The following CASKIN1 variants were observed in gnomAD, a reference collection of about 807,000 sequenced individuals.
CASKIN1 encodes caskin-1.
Under a neutral mutation model 117.5 loss-of-function variants are expected in CASKIN1, and 42 were observed. The ratio of observed to expected loss-of-function variants is 0.36; its 90% CI spans 0.28 to 0.46. The LOEUF is 0.46. Ranked by LOEUF, CASKIN1 falls within the 20% of genes least tolerant of loss-of-function variation. The pLI, the probability that CASKIN1 is intolerant of heterozygous loss-of-function variation, is 1.00. For synonymous variants in CASKIN1, 1,148 were observed against 961.7 expected (o/e 1.19, Z -3.59); for missense variants, 2,083 against 2,077.3 (o/e 1.00, Z -0.05).
rs117924291 is a variant in CASKIN1 at position 2,179,387 on chromosome 16, C to T, written c.3776-62G>A. On this transcript the variant is annotated intron_variant, in intron 18 of 19. Transcript: ENST00000343516. The surrounding 1 kb of genome is among the most constrained non-coding windows in gnomAD (Gnocchi z 5.8). ...AGTTCCGCCGCCGCGCCCCCTGCCC[C>T]AGCCTCCCGCGGCTTCCTCCCCAGC... The T allele has an allele frequency of 4.0e-3, 5,301 of 1,336,952 alleles. 310 individuals are homozygous for T. The Admixed American group carries it at 0.12, about 31-fold the overall frequency. The allele number at this position is 1,336,952 out of a possible 1,614,324, so 82.8% of individuals were successfully genotyped here. A position where few individuals can be genotyped will look rare whatever the true frequency, so the allele number is the denominator to read the frequency against.
chr16:2,179,103 G>C lies in CASKIN1; in HGVS notation c.3998C>G (p.Ala1333Gly). ...CTTGGCGGGCACGTGCAGCGCGGGC[G>C]CGCCGGGGGACGGGGGCTTGGCGGG... ...ASPAKPPSPG[A>G]PALHVPAKPP... The change falls in exon 19 of 20, where the codon GCG becomes GGG. Residue 1333 changes from alanine (A) to glycine (G), a missense_variant. Ala to Gly is a moderately conservative substitution (Grantham distance 60). Coordinates refer to ENST00000343516, the MANE Select transcript of CASKIN1 (RefSeq NM_020764.4). This position sits in a 1 kb window ranked among gnomAD's most constrained non-coding sequence, Gnocchi z 5.8. 4.0e-6 allele frequency: 4 copies of C among 990,822 alleles called. No homozygotes were observed. Among genetic ancestry groups the C allele is most frequent in the Non-Finnish European group, 4.8e-6 (4 of 835,486 alleles). The allele number at this position is 990,822 out of a possible 1,614,324, so 61.4% of individuals were successfully genotyped here. A position where few individuals can be genotyped will look rare whatever the true frequency, so the allele number is the denominator to read the frequency against.
At chr16:2,187,906 C>CG (rs1369676918) in intron 6 of CASKIN1, among the ~76,000 whole-genome samples, 1 of 151,124 alleles carries the variant, frequency 6.6e-6, no homozygotes, top group Non-Finnish European at 1.5e-5. Context: ...TTTTCTAAGA[C>CG]GGGGTCTCAC....
rs1027047284 is a variant in CASKIN1 at position 2,196,511 on chromosome 16, C to T, written c.-79G>A. ...AGAGGCGGCGGCGGCCCCGCGGCAC[C>T]GGCCGCCTCCCCCGCCGCCTCCCCC... is the stretch of plus-strand genomic sequence containing the variant. On this transcript the variant is annotated 5_prime_UTR_variant, in exon 1 of 20. Coordinates refer to ENST00000343516, the MANE Select transcript of CASKIN1 (RefSeq NM_020764.4). The surrounding 1 kb of genome is among the most constrained non-coding windows in gnomAD (Gnocchi z 5.7). The T allele has an allele frequency of 8.1e-6, 5 of 614,974 alleles. No homozygotes were observed. The highest frequency in any genetic ancestry group is 6.1e-6 in the Non-Finnish European group (3 of 488,788). 38.1% of individuals were successfully genotyped at this position (614,974 alleles called of 1,614,324 possible).
Position 2,178,637 on chromosome 16 carries a change from C to A in CASKIN1, c.4209G>T (p.Ala1403=). The A allele has an allele frequency of 6.3e-7, 1 of 1,590,564 alleles. No homozygotes were observed. Among genetic ancestry groups the A allele is most frequent in the East Asian group, 2.3e-5 (1 of 43,352 alleles). The change falls in exon 20 of 20, where the codon GCG becomes GCT. Residue 1403 remains alanine, a synonymous_variant. Coordinates refer to ENST00000343516, the MANE Select transcript of CASKIN1 (RefSeq NM_020764.4). The part of the protein sequence containing the change: ...QEDAQGPRDS[A]AEKSTGSILD... ...GGATGCTGCCAGTGCTCTTTTCCGCCGCCGAGTCGCTGCGGGGCGCGGGGC... is the reference window on the plus strand; with the variant it reads ...GGATGCTGCCAGTGCTCTTTTCCGCAGCCGAGTCGCTGCGGGGCGCGGGGC...
rs777688114 is a variant in CASKIN1 at position 2,180,732 on chromosome 16, C to T, written c.2636G>A (p.Arg879Gln). The T allele has an allele frequency of 5.0e-5, 73 of 1,448,822 alleles. No homozygotes were observed. Among genetic ancestry groups the T allele is most frequent in the Non-Finnish European group, 6.4e-5 (71 of 1,108,368 alleles). The allele number at this position is 1,448,822 out of a possible 1,614,324, so 89.7% of individuals were successfully genotyped here. A position where few individuals can be genotyped will look rare whatever the true frequency, so the allele number is the denominator to read the frequency against. Residue 879 changes from arginine to glutamine, a missense_variant, in exon 18 of 20, where the codon CGG becomes CAG. This residue lies in a region of CASKIN1 where 1,818 missense variants were observed against 1,688.9 expected (regional missense o/e 1.08). Coordinates refer to ENST00000343516, the MANE Select transcript of CASKIN1 (RefSeq NM_020764.4). Reference sequence around the variant, plus strand: ...CGCATAGCGATTCAGGCTGTGGGCCCGCTTCTTGGGCCGCCCCGGCTCCGC... The same window carrying T: ...CGCATAGCGATTCAGGCTGTGGGCCTGCTTCTTGGGCCGCCCCGGCTCCGC... ...ADAEPGRPKK[R>Q]AHSLNRYAAS...
chr16:2,181,713 G>T, intron 17 of CASKIN1, 78 bp downstream of exon 17: 3 of 1,525,816 alleles, frequency 2.0e-6, no homozygotes, highest in South Asian at 2.4e-5. Flanking sequence ...GGGCGGGGCT[G>T]GGGCTGGGCT....
chr16:2,187,118 GCCCAGCCCCAGC>G (rs749447982), intron 8 of CASKIN1, 36 bp downstream of exon 8: 10 of 1,612,642 alleles, frequency 6.2e-6, no homozygotes, highest in Non-Finnish European at 8.5e-6. Flanking sequence ...GGCTGATCTG[GCCCAGCCCCAGC>G]CCCAGCCACT....
chr16:2,190,806 C>T (rs1391399665), intron 1 of CASKIN1, among the ~76,000 whole-genome samples: 3 of 152,126 alleles, frequency 2.0e-5, no homozygotes, highest in East Asian at 1.9e-4. Flanking sequence ...CTGGAACACC[C>T]GGAAATGGGG....
chr16:2,178,684 CG>C (rs1567256650), intron 19 of CASKIN1, 38 bp from the exon 20 acceptor site: 6 of 1,524,154 alleles, frequency 3.9e-6, no homozygotes, highest in Admixed American at 1.8e-5. Context: ...GTGGGCGGGG[CG>C]GGTCTGGCCA....
At chr16:2,181,639 G>A in intron 17 of CASKIN1, 40 bp from the exon 18 acceptor site, 1 of 1,530,706 alleles carries the variant, frequency 6.5e-7, no homozygotes, top group Non-Finnish European at 8.8e-7. Flanking sequence ...GGACCAGGAG[G>A]CGGAGGGGCA....
rs1193523173 is a variant in CASKIN1, at chr16:2,196,297, C to G, written c.94+42G>C. The stretch of plus-strand genomic sequence containing the variant: ...TGGGGGGCTCCGCGCCGGGGAGGGG[C>G]CCCCGGGGCTCCCACCCGCGCCCCG... On this transcript the variant is annotated intron_variant, in intron 1 of 19. Transcript: ENST00000343516. The surrounding 1 kb of genome is among the most constrained non-coding windows in gnomAD (Gnocchi z 5.7). 2.1e-6 allele frequency: 2 copies of G among 972,256 alleles called. No homozygotes were observed. Among genetic ancestry groups the G allele is most frequent in the African/African-American group, 1.8e-5 (1 of 57,110 alleles). 60.2% of individuals were successfully genotyped at this position (972,256 alleles called of 1,614,324 possible).
chr16:2,183,822 A>G lies in CASKIN1; in HGVS notation c.1527+9T>C. 1 of 1,612,234 alleles carries G rather than the reference A, an allele frequency of 6.2e-7. No individual in the cohort carries two copies. Among genetic ancestry groups the G allele is most frequent in the Non-Finnish European group, 8.5e-7 (1 of 1,179,132 alleles). ...CGCAGCTGGCGCTGGCGGCGCATGGAAAGCTCACCTCGGGAGTCATGCGGC... is the reference window on the plus strand; with the variant it reads ...CGCAGCTGGCGCTGGCGGCGCATGGGAAGCTCACCTCGGGAGTCATGCGGC... On this transcript the variant is annotated intron_variant, in intron 15 of 19. Coordinates refer to ENST00000343516, the MANE Select transcript of CASKIN1 (RefSeq NM_020764.4).
rs369066078 is a variant in CASKIN1, at chr16:2,181,311, G to A, written c.2057C>T (p.Pro686Leu). ...GGAGTCCTGCCGCGTGGTGGCCCTC[G>A]GGGTGGGTGGCAGGTGGCTGGAGGG... ...EKPSSHLPPT[P>L]RATTRQDSSL... Residue 686 changes from proline to leucine, a missense_variant, in exon 18 of 20, where the codon CCG becomes CTG. Coordinates refer to ENST00000343516, the MANE Select transcript of CASKIN1 (RefSeq NM_020764.4). 29 of 1,604,212 alleles carry A rather than the reference G, an allele frequency of 1.8e-5. No homozygotes were observed. The African/African-American group carries it at 2.1e-4, about 12-fold the overall frequency.
intron 3 of CASKIN1, 151 bp from the exon 4 acceptor site, chr16:2,189,715 C>CCAAGGG: frequency 1.2e-6 from 1 of 813,570 alleles, no homozygotes; most frequent in Non-Finnish European, 1.9e-6. Context: ...AAGCCCAACC[C>CCAAGGG]TTGGGGTTGG....
chr16:2,186,419 CTCT>C (rs2093184650), intron 10 of CASKIN1, among the ~76,000 whole-genome samples: 1 of 152,144 alleles, frequency 6.6e-6, no homozygotes, highest in South Asian at 2.1e-4. Flanking sequence ...GTCCCCTGCC[CTCT>C]CCTGCCCCAG....
chr16:2,177,191 CTGT>C lies in CASKIN1; in HGVS notation c.*1356_*1358del, dbSNP rs1190694851. ...GTGAGCCAGGCACCTCTGTTTCCTG[CTGT>C]TTATTGACAGCCGACGGCAGCGCCT... On this transcript the variant is annotated 3_prime_UTR_variant, in exon 20 of 20. Coordinates refer to ENST00000343516, the MANE Select transcript of CASKIN1 (RefSeq NM_020764.4). The C allele has an allele frequency of 1.6e-5, 4 of 246,490 alleles. No homozygotes were observed. The highest frequency in any genetic ancestry group is 2.2e-5 in the African/African-American group (1 of 45,586). 15.3% of individuals were successfully genotyped at this position (246,490 alleles called of 1,614,324 possible).
Position 2,179,581 on chromosome 16 carries a change from T to C in CASKIN1, c.3775+12A>G, listed in dbSNP as rs1012857263. 6.3e-6 allele frequency: 9 copies of C among 1,435,720 alleles called. No individual in the cohort carries two copies. The African/African-American group carries it at 1.3e-4, about 21-fold the overall frequency. 88.9% of individuals were successfully genotyped at this position (1,435,720 alleles called of 1,614,324 possible). A position where few individuals can be genotyped will look rare whatever the true frequency, so the allele number is the denominator to read the frequency against. On this transcript the variant is annotated intron_variant, in intron 18 of 19. Transcript: ENST00000343516. This position sits in a 1 kb window ranked among gnomAD's most constrained non-coding sequence, Gnocchi z 5.8. ...GTCCTGTTGCCCCTTCACCCCACCC[T>C]GGCTGGCCTACCTGGGCTGCCAGGG...
intron 19 of CASKIN1, 59 bp from the exon 20 acceptor site, chr16:2,178,705 C>T: frequency 1.4e-6 from 2 of 1,475,010 alleles, no homozygotes; most frequent in Non-Finnish European, 1.8e-6. Flanking sequence ...ACGCCCACCC[C>T]GACCAGGACA....
At chr16:2,185,244 C>T in intron 11 of CASKIN1, 45 bp from the exon 12 acceptor site, 4 of 1,604,798 alleles carry the variant, frequency 2.5e-6, no homozygotes, top group Non-Finnish European at 3.4e-6. Context: ...CGGCCCCTGC[C>T]TGGCCCCACG....
Sources: gnomAD v4.1 joint callset for allele counts (sites outside exome capture counted in the v4.1 genomes callset) on GRCh38, gnomAD v4.1.1 for gene constraint, gnomAD v4.1.1 regional missense constraint, Gnocchi (gnomAD v3.1) non-coding constraint, MANE v1.5 for transcripts, NCBI Gene and HGNC (gene_info 2026-07-23, HGNC 2026-07-21) for gene names.